Variants in CSGALNACT1 observed in about 807,000 individuals in gnomAD.
CSGALNACT1 encodes beta4GalNAcT-1.
In CSGALNACT1, 52 loss-of-function variants were observed where a neutral mutation model predicts 51.0. That is an observed-to-expected ratio of 1.02 (90% CI 0.82 to 1.29). The LOEUF (loss-of-function observed/expected upper bound fraction) is 1.29, where lower values mean the gene tolerates loss of function less well. Among genes scored for constraint, CSGALNACT1 ranks in the 50% most tolerant of loss-of-function variants. The pLI, the probability that CSGALNACT1 is intolerant of heterozygous loss-of-function variation, is 0.00. For synonymous variants in CSGALNACT1, 341 were observed against 254.4 expected (o/e 1.34, Z -3.24); for missense variants, 935 against 679.2 (o/e 1.38, Z -4.19).
chr8:19,539,984 C>T (rs1342719553), intron 3 of CSGALNACT1, among the ~76,000 whole-genome samples: 2 of 152,086 alleles, frequency 1.3e-5, no homozygotes, highest in Non-Finnish European at 2.9e-5. Context: ...AGAAGAAATA[C>T]TGAGAGAACT....
intron 5 of CSGALNACT1, chr8:19,457,441 G>A (rs1448094733): frequency 2.8e-6 from 1 of 360,706 alleles, no homozygotes; most frequent in South Asian, 2.1e-5. Flanking sequence ...GGCGAAACCC[G>A]GTCTCTACTA....
chr8:19,477,256 C>T (rs985736818), intron 4 of CSGALNACT1, among the ~76,000 whole-genome samples: 1 of 152,236 alleles, frequency 6.6e-6, no homozygotes, highest in African/African-American at 2.4e-5. Flanking sequence ...GCCACTCAGG[C>T]TCCCCATAGA....
intron 4 of CSGALNACT1, among the ~76,000 whole-genome samples, chr8:19,477,219 C>T (rs2069941070): frequency 6.6e-6 from 1 of 152,184 alleles, no homozygotes; most frequent in African/African-American, 2.4e-5. Context: ...CCTCTTATGC[C>T]ACTCCAGGCA....
At chr8:19,663,820 T>G (rs879131194) in intron 1 of CSGALNACT1, among the ~76,000 whole-genome samples, 1 of 152,254 alleles carries the variant, frequency 6.6e-6, no homozygotes, top group Admixed American at 6.5e-5. Context: ...AGATAGATAA[T>G]GCAGCCCTTC....
chr8:19,528,591 CTCTT>C (rs34901361), intron 3 of CSGALNACT1, among the ~76,000 whole-genome samples: 34,510 of 151,838 alleles, frequency 0.23, 4,435 homozygotes, highest in African/African-American at 0.36. Context: ...GTGAGAATTA[CTCTT>C]TCTGAGGAGA....
chr8:19,589,135 G>C (rs534606318), intron 3 of CSGALNACT1, among the ~76,000 whole-genome samples: 1 of 152,134 alleles, frequency 6.6e-6, no homozygotes, highest in Non-Finnish European at 1.5e-5. Flanking sequence ...ATTGTCTAGG[G>C]TGTTATGATC....
rs779722347 is a variant in CSGALNACT1, at chr8:19,439,822, G to A, written c.953+8C>T. The A allele has an allele frequency of 1.2e-5, 19 of 1,600,948 alleles. No homozygotes were observed. Among genetic ancestry groups the A allele is most frequent in the Non-Finnish European group, 1.6e-5 (19 of 1,168,242 alleles). On this transcript the variant is annotated splice_region_variant and intron_variant, in intron 6 of 9. Coordinates refer to ENST00000454498, the Ensembl canonical transcript of CSGALNACT1. ...GGATTCCTTATGACAGCTCCGTATT[G>A]TACTCACTTGGAAGTGTTTTCAAGT...
chr8:19,464,673 A>C, intron 4 of CSGALNACT1, among the ~76,000 whole-genome samples: 1 of 152,106 alleles, frequency 6.6e-6, no homozygotes, highest in Non-Finnish European at 1.5e-5. Flanking sequence ...TTAACACCCT[A>C]CTGTGAACTG....
At chr8:19,442,649 A>G (rs1048677679) in intron 5 of CSGALNACT1, among the ~76,000 whole-genome samples, 1 of 151,778 alleles carries the variant, frequency 6.6e-6, no homozygotes, top group Non-Finnish European at 1.5e-5. Flanking sequence ...CAGCACACCA[A>G]CATGGCACAT....
Position 19,463,662 on chromosome 8 carries a change from T to C in CSGALNACT1, c.635-5020A>G, listed in dbSNP as rs181040738. Among the ~76,000 whole-genome samples the C allele has an allele frequency of 1.8e-4, 28 of 152,356 alleles. No homozygotes were observed. The East Asian group carries it at 4.2e-3, about 23-fold the overall frequency. On this transcript the variant is annotated intron_variant, in intron 4 of 9. Coordinates refer to ENST00000454498, the Ensembl canonical transcript of CSGALNACT1. ...CAGAACAGCATCATTTCGTGCACTA[T>C]GCAAATTAAAGATCAAAATCAGGAC... is the stretch of plus-strand genomic sequence containing the variant.
intron 1 of CSGALNACT1, among the ~76,000 whole-genome samples, chr8:19,724,071 C>T (rs2063268312): frequency 6.6e-6 from 1 of 152,128 alleles, no homozygotes; most frequent in South Asian, 2.1e-4. Flanking sequence ...ATAAAATCTC[C>T]ATGCTGATTT....
At chr8:19,718,036 C>T (rs2062912216) in intron 1 of CSGALNACT1, among the ~76,000 whole-genome samples, 1 of 152,194 alleles carries the variant, frequency 6.6e-6, no homozygotes, top group African/African-American at 2.4e-5. Flanking sequence ...GGGGCCTCTG[C>T]AGACTTTCTC....
At chr8:19,447,090 G>T (rs2062261973) in intron 5 of CSGALNACT1, among the ~76,000 whole-genome samples, 1 of 152,198 alleles carries the variant, frequency 6.6e-6, no homozygotes, top group African/African-American at 2.4e-5. Flanking sequence ...CTGCCCTGTG[G>T]AGGGCCGTTG....
intron 1 of CSGALNACT1, among the ~76,000 whole-genome samples, chr8:19,709,309 T>C (rs1414058378): frequency 6.6e-6 from 1 of 152,258 alleles, no homozygotes; most frequent in African/African-American, 2.4e-5. Context: ...ATACGTTATA[T>C]GTATATATTA....
chr8:19,662,674 TA>T (rs2058861813), intron 1 of CSGALNACT1, among the ~76,000 whole-genome samples: 4 of 152,208 alleles, frequency 2.6e-5, no homozygotes, highest in Admixed American at 2.6e-4. Flanking sequence ...AAGTGGATGC[TA>T]GGGTGTGTGT....
At chr8:19,521,014 T>C (rs148913784) in intron 3 of CSGALNACT1, among the ~76,000 whole-genome samples, 2 of 152,158 alleles carry the variant, frequency 1.3e-5, no homozygotes, top group Non-Finnish European at 2.9e-5. Context: ...AATCTGGAAA[T>C]GCAGAATGCC....
At chr8:19,591,437 A>G (rs560619485) in intron 2 of CSGALNACT1, among the ~76,000 whole-genome samples, 3 of 152,380 alleles carry the variant, frequency 2.0e-5, no homozygotes, top group African/African-American at 7.2e-5. Context: ...ACTGTAAAAA[A>G]TCAGTGATAG....
chr8:19,488,546 C>T (rs573571093), intron 4 of CSGALNACT1, among the ~76,000 whole-genome samples: 5 of 151,832 alleles, frequency 3.3e-5, no homozygotes, highest in African/African-American at 1.2e-4. Context: ...GACTACTTAA[C>T]GGTATCTCAG....
At chr8:19,476,007 G>C (rs866364869) in intron 4 of CSGALNACT1, among the ~76,000 whole-genome samples, 2 of 152,100 alleles carry the variant, frequency 1.3e-5, no homozygotes, top group Middle Eastern at 3.2e-3. Flanking sequence ...ACAGAAGAAA[G>C]ACAATTGTAA....
Sources: allele counts gnomAD v4.1 joint callset (sites outside exome capture counted in the v4.1 genomes callset), GRCh38; gene constraint gnomAD v4.1.1; transcripts MANE v1.5; gene names NCBI Gene and HGNC (gene_info 2026-07-23, HGNC 2026-07-21).